Variants in TSC1 observed in about 807,000 individuals in gnomAD.
TSC1 encodes the protein hamartin.
A neutral mutation model predicts 124.3 loss-of-function variants in TSC1; 20 were observed. That is an observed-to-expected ratio of 0.16 (90% CI 0.11 to 0.23). TSC1 has a LOEUF of 0.23. Ranked by LOEUF, TSC1 falls within the 10% of genes least tolerant of loss-of-function variation. The pLI, the probability that TSC1 is intolerant of heterozygous loss-of-function variation, is 1.00. For missense variants in TSC1, 1,124 were observed against 1,448.5 expected, an observed-to-expected ratio of 0.78 and a Z score of 3.64; for synonymous variants, 493 against 539.1, an observed-to-expected ratio of 0.91 and a Z score of 1.19.
Position 132,923,913 on chromosome 9 carries a change from A to T in TSC1, c.364-421T>A, listed in dbSNP as rs1187986086. On this transcript the variant is annotated intron_variant, in intron 5 of 22. Coordinates refer to ENST00000298552, the MANE Select transcript of TSC1 (RefSeq NM_000368.5). This position sits in a 1 kb window ranked among gnomAD's most constrained non-coding sequence, Gnocchi z 4.2. ...CTAAGATACTTACTTTTTGTTAATTAAAAAAAAAAAAAACTGCACATTGAC... is the reference window on the plus strand; with the variant it reads ...CTAAGATACTTACTTTTTGTTAATTTAAAAAAAAAAAAACTGCACATTGAC... Among the ~76,000 whole-genome samples the T allele has an allele frequency of 1.5e-5, 2 of 135,344 alleles. No individual in the cohort carries two copies. Among genetic ancestry groups the T allele is most frequent in the South Asian group, 2.2e-4 (1 of 4,544 alleles). The allele number at this position is 135,344 out of a possible 152,430, so 88.8% of individuals were successfully genotyped here. A position where few individuals can be genotyped will look rare whatever the true frequency, so the allele number is the denominator to read the frequency against.
rs556170135 is a variant in TSC1, at chr9:132,912,793, G to T, written c.738-336C>A. The T allele has an allele frequency of 1.2e-5, 4 of 327,744 alleles. No individual in the cohort carries two copies. In the East Asian group the frequency reaches 2.3e-4, roughly 19 times the overall value. The allele number at this position is 327,744 out of a possible 1,614,324, so 20.3% of individuals were successfully genotyped here. A position where few individuals can be genotyped will look rare whatever the true frequency, so the allele number is the denominator to read the frequency against. On this transcript the variant is annotated intron_variant, in intron 8 of 22. Transcript: ENST00000298552. Reference sequence around the variant, plus strand: ...GGGAAAAATGTCCTTTGGAACAAAGGTCATCAAAAAATAGGGAGACCTGGA... The same window carrying T: ...GGGAAAAATGTCCTTTGGAACAAAGTTCATCAAAAAATAGGGAGACCTGGA...
intron 6 of TSC1, 78 bp from the exon 7 acceptor site, chr9:132,922,051 C>T (rs2132166106): frequency 3.8e-6 from 6 of 1,577,002 alleles, no homozygotes; most frequent in Non-Finnish European, 4.4e-6. Context: ...AAACAAGTGG[C>T]TGCCAGCAGG....
rs1210166560 is a variant in TSC1, at chr9:132,901,614, A to T, written c.2477T>A (p.Leu826Gln). ...KANNKVCHTE[L>Q]LLSQVSQKLS... ...CTTTTGGGAAACCTGACTGAGCAGC[A>T]GCTCAGTGTGACACACCTTGTTGTT... Residue 826 changes from leucine to glutamine, a missense_variant, in exon 19 of 23, where the codon CTG becomes CAG. By Grantham distance (113) the Leu-to-Gln change is moderately radical. Transcript: ENST00000298552. 1 of 1,613,980 alleles carries T rather than the reference A, an allele frequency of 6.2e-7. No individual in the cohort carries two copies. Among genetic ancestry groups the T allele is most frequent in the South Asian group, 1.1e-5 (1 of 91,084 alleles).
At chr9:132,916,134 G>A (rs997403106) in intron 8 of TSC1, among the ~76,000 whole-genome samples, 1 of 152,106 alleles carries the variant, frequency 6.6e-6, no homozygotes, top group African/African-American at 2.4e-5. Flanking sequence ...ATCTAAAACT[G>A]GGAACCATCG....
chr9:132,912,225 A>T, intron 9 of TSC1, 57 bp downstream of exon 9: 5 of 1,602,308 alleles, frequency 3.1e-6, no homozygotes, highest in Non-Finnish European at 4.3e-6. Context: ...ACAAAGACAA[A>T]TAATGTTTTC....
At chr9:132,930,587 CAAAAAAAAAAAAAA>C (rs58163733) in intron 2 of TSC1, among the ~76,000 whole-genome samples, 1 of 45,248 alleles carries the variant, frequency 2.2e-5, no homozygotes, top group Non-Finnish European at 3.8e-5. Flanking sequence ...GACTCTGCCT[CAAAAAAAAAAAAAA>C]AAAAAAAAAA....
chr9:132,940,068 C>T (rs2132466274), intron 1 of TSC1, among the ~76,000 whole-genome samples: 1 of 151,930 alleles, frequency 6.6e-6, no homozygotes, highest in East Asian at 1.9e-4. Context: ...GGGAAAAGGC[C>T]CAGTGGAATT....
In TSC1 at chr9:132,925,664, C is replaced by G. The variant is rs987344953; in HGVS notation, c.286G>C (p.Val96Leu). 1 of 1,614,232 alleles carries G rather than the reference C, an allele frequency of 6.2e-7. No individual in the cohort carries two copies. Among genetic ancestry groups the G allele is most frequent in the Non-Finnish European group, 8.5e-7 (1 of 1,180,038 alleles). ...TTCCAAGATGGCTGCAGTCTTATGACATGACCCAGTAACGAGAGGATGGAT... is the reference window on the plus strand; with the variant it reads ...TTCCAAGATGGCTGCAGTCTTATGAGATGACCCAGTAACGAGAGGATGGAT... The part of the protein sequence containing the change: ...RLSILSLLGH[V>L]IRLQPSWKHK... Residue 96 changes from valine to leucine, a missense_variant, in exon 5 of 23, where the codon GTC (valine) becomes CTC (leucine). Val to Leu is a conservative substitution (Grantham distance 32). Around this residue, in one of 5 missense-constraint regions of TSC1, gnomAD observed 463 missense variants for 606.8 expected, o/e 0.76. Coordinates refer to ENST00000298552, the MANE Select transcript of TSC1 (RefSeq NM_000368.5).
chr9:132,920,438 T>G (rs763125983), intron 8 of TSC1, among the ~76,000 whole-genome samples: 10 of 152,196 alleles, frequency 6.6e-5, no homozygotes, highest in African/African-American at 9.7e-5. Context: ...AGTAATGTTC[T>G]GTTTTTTTTA....
chr9:132,920,373 C>G (rs999972173), intron 8 of TSC1, among the ~76,000 whole-genome samples: 7 of 152,132 alleles, frequency 4.6e-5, no homozygotes, highest in African/African-American at 1.7e-4. Flanking sequence ...TGGTAGTTGT[C>G]TCTGAGGTAG....
rs541174325 is a variant in TSC1, at chr9:132,930,293, G to T, written c.-80-1341C>A. 2.0e-5 allele frequency among the ~76,000 whole-genome samples: 3 copies of T among 152,166 alleles called. No individual in the cohort carries two copies. In the South Asian group the frequency reaches 6.2e-4, roughly 32 times the overall value. Reference sequence around the variant, plus strand: ...CAACTAAAGAGTTAAGCTGAGGCCGGATGTAGTGGCTGAGGCCAGGCATGG... The same window carrying T: ...CAACTAAAGAGTTAAGCTGAGGCCGTATGTAGTGGCTGAGGCCAGGCATGG... On this transcript the variant is annotated intron_variant, in intron 2 of 22. Transcript: ENST00000298552.
At position 132,900,820 on chromosome 9, in the gene TSC1, C is replaced by T. The variant is rs547498792; in HGVS notation, c.2520G>A (p.Ser840=). ...QVSQKLSNSE[S]VQQQMEFLNR... ...TCAAGAACTCCATCTGCTGCTGGAC[C>T]GACTCACTGTTTGAGAGCTAACCAA... Residue 840 remains serine, a synonymous_variant, in exon 20 of 23, where the codon TCG becomes TCA. Coordinates refer to ENST00000298552, the MANE Select transcript of TSC1 (RefSeq NM_000368.5). 26 of 1,613,986 alleles carry T rather than the reference C, an allele frequency of 1.6e-5. No individual in the cohort carries two copies. The highest frequency in any genetic ancestry group is 1.6e-4 in the Middle Eastern group (1 of 6,084).
rs118203391 is a variant in TSC1, at chr9:132,921,988, C to T, written c.509-15G>A. The T allele has an allele frequency of 2.5e-6, 4 of 1,613,976 alleles. No homozygotes were observed. The highest frequency in any genetic ancestry group is 2.5e-6 in the Non-Finnish European group (3 of 1,179,932). ...CGCCACGTGGCCTAGAAAAGGAACC[C>T]GTTGAGAAGAGCCTCTTAGTTGGAG... On this transcript the variant is annotated splice_polypyrimidine_tract_variant and intron_variant, in intron 6 of 22. Coordinates refer to ENST00000298552, the MANE Select transcript of TSC1 (RefSeq NM_000368.5). The surrounding 1 kb of genome is among the most constrained non-coding windows in gnomAD (Gnocchi z 4.3).
intron 15 of TSC1, among the ~76,000 whole-genome samples, 192 bp from the exon 16 acceptor site, chr9:132,904,646 T>G (rs1179824670): frequency 6.6e-6 from 1 of 152,200 alleles, no homozygotes; most frequent in Non-Finnish European, 1.5e-5. Flanking sequence ...GAGGCGGCCC[T>G]CGCCCCACTG....
Position 132,900,853 on chromosome 9 carries a change from G to C in TSC1, c.2503-16C>G, listed in dbSNP as rs763538307. 1.9e-6 allele frequency: 3 copies of C among 1,613,862 alleles called. No individual in the cohort carries two copies. Among genetic ancestry groups the C allele is most frequent in the Non-Finnish European group, 2.5e-6 (3 of 1,179,848 alleles). On this transcript the variant is annotated splice_polypyrimidine_tract_variant and intron_variant, in intron 19 of 22. Transcript: ENST00000298552. Reference sequence around the variant, plus strand: ...TGTTTGAGAGCTAACCAAAAAACATGAGCAAAGTGAAAAATCCGACGACAT... The same window carrying C: ...TGTTTGAGAGCTAACCAAAAAACATCAGCAAAGTGAAAAATCCGACGACAT...
chr9:132,912,624 T>C, intron 8 of TSC1, 167 bp from the exon 9 acceptor site: 1 of 728,914 alleles, frequency 1.4e-6, no homozygotes, highest in Non-Finnish European at 2.4e-6. Context: ...TAGCCATTCA[T>C]TTTACAATCC....
In TSC1 at chr9:132,896,523, T is replaced by C. The variant is rs878853966; in HGVS notation, c.3207A>G (p.Glu1069=). The C allele has an allele frequency of 7.4e-6, 12 of 1,614,072 alleles. No individual in the cohort carries two copies. Among genetic ancestry groups the C allele is most frequent in the Non-Finnish European group, 9.3e-6 (11 of 1,180,046 alleles). ...FSSRWETTMG[E]ASASIPTTVG... is the part of the protein sequence containing the mutation. The stretch of plus-strand genomic sequence containing the variant: ...CAGTGGTGGGGATGCTGGCAGACGC[T>C]TCTCCCATAGTCGTCTCCCACCGAC... Residue 1069 remains glutamate (E), a synonymous_variant, in exon 23 of 23, where the codon GAA becomes GAG. Transcript: ENST00000298552. This position sits in a 1 kb window ranked among gnomAD's most constrained non-coding sequence, Gnocchi z 4.5.
At position 132,902,440 on chromosome 9, in the gene TSC1, T is replaced by A. The variant is rs74568593; in HGVS notation, c.2391+165A>T. ...AAAGTTGGGGAACCTCTGTCCTAAG[T>A]AAGATTCACCTGCCATGAAGAATTT... is the stretch of plus-strand genomic sequence containing the variant. On this transcript the variant is annotated intron_variant, in intron 18 of 22. Coordinates refer to ENST00000298552, the MANE Select transcript of TSC1 (RefSeq NM_000368.5). This position sits in a 1 kb window ranked among gnomAD's most constrained non-coding sequence, Gnocchi z 5.2. Among the ~76,000 whole-genome samples the A allele has an allele frequency of 5.5e-4, 84 of 152,280 alleles. No individual in the cohort carries two copies. The highest frequency in any genetic ancestry group is 9.9e-4 in the Non-Finnish European group (67 of 68,018).
intron 12 of TSC1, 172 bp downstream of exon 12, chr9:132,910,399 T>TCGGCA (rs1211017043): frequency 1.6e-6 from 2 of 1,232,714 alleles, no homozygotes; most frequent in Non-Finnish European, 2.3e-6. Flanking sequence ...CACCCAGGGG[T>TCGGCA]CGGCAGATCA....
Sources: gnomAD v4.1 joint callset for allele counts (sites outside exome capture counted in the v4.1 genomes callset) on GRCh38, gnomAD v4.1.1 for gene constraint, gnomAD v4.1.1 regional missense constraint, Gnocchi (gnomAD v3.1) non-coding constraint, MANE v1.5 for transcripts, NCBI Gene and HGNC (gene_info 2026-07-23, HGNC 2026-07-21) for gene names.